BMPR1B: variants seen among roughly 807,000 people sequenced by gnomAD.
BMPR1B encodes the protein bone morphogenetic protein receptor type 1B, also known as bone morphogenetic protein receptor type-1B.
A neutral mutation model predicts 59.1 loss-of-function variants in BMPR1B; 12 were observed. The ratio of observed to expected loss-of-function variants is 0.20; its 90% CI spans 0.13 to 0.33. BMPR1B has a LOEUF of 0.33. Ranked by LOEUF, BMPR1B falls within the 10% of genes least tolerant of loss-of-function variation. The pLI is 1.00. For missense variants in BMPR1B, 550 were observed against 610.9 expected (o/e 0.90, Z 1.05); for synonymous variants, 237 against 207.3 (o/e 1.14, Z -1.23).
At chr4:94,991,683 C>A (rs888386326) in intron 2 of BMPR1B, among the ~76,000 whole-genome samples, 1 of 152,126 alleles carries the variant, frequency 6.6e-6, no homozygotes, top group African/African-American at 2.4e-5. Flanking sequence ...GGTCCCTAGT[C>A]CATGCTGTCA....
chr4:95,097,139 A>G (rs1730483605), intron 3 of BMPR1B, among the ~76,000 whole-genome samples: 1 of 61,762 alleles, frequency 1.6e-5, no homozygotes, highest in Non-Finnish European at 3.5e-5. Context: ...TTTATATATA[A>G]CTAATATATA....
chr4:95,116,421 G>GCGCGCACGCACACACACACACACACACA, intron 6 of BMPR1B, among the ~76,000 whole-genome samples: 9 of 123,196 alleles, frequency 7.3e-5, no homozygotes, highest in African/African-American at 2.9e-4. Context: ...TTCAGCGCGC[G>GCGCGCACGCACACACACACACACACACA]CACACACACA....
intron 2 of BMPR1B, among the ~76,000 whole-genome samples, chr4:94,942,951 C>T (rs538054683): frequency 1.1e-4 from 16 of 152,264 alleles, no homozygotes; most frequent in African/African-American, 3.6e-4. Flanking sequence ...TTATTCATGG[C>T]GGTGTTCTTA....
At chr4:94,846,693 TTATATG>T (rs1725345377) in intron 1 of BMPR1B, among the ~76,000 whole-genome samples, 1 of 152,122 alleles carries the variant, frequency 6.6e-6, no homozygotes, top group African/African-American at 2.4e-5. Context: ...GAACTCCCCT[TTATATG>T]TATATATGTA....
chr4:94,763,889 A>G (rs775568792), intron 1 of BMPR1B, among the ~76,000 whole-genome samples: 6 of 152,206 alleles, frequency 3.9e-5, no homozygotes, highest in Non-Finnish European at 5.9e-5. Flanking sequence ...CTGTTTTCCA[A>G]TACACATTTA....
At chr4:94,908,582 T>C (rs568190370) in intron 2 of BMPR1B, among the ~76,000 whole-genome samples, 10 of 152,146 alleles carry the variant, frequency 6.6e-5, no homozygotes, top group Admixed American at 6.6e-4. Flanking sequence ...TAAGGGTCTC[T>C]GTACCATCTT....
At chr4:94,861,187 C>A (rs140319702) in intron 1 of BMPR1B, among the ~76,000 whole-genome samples, 2 of 152,162 alleles carry the variant, frequency 1.3e-5, no homozygotes, top group African/African-American at 2.4e-5. Flanking sequence ...TGCTTGCTAG[C>A]TGGGTGACTG....
chr4:95,095,157 A>G (rs1730275601), intron 3 of BMPR1B, among the ~76,000 whole-genome samples: 1 of 152,124 alleles, frequency 6.6e-6, no homozygotes, highest in Non-Finnish European at 1.5e-5. Flanking sequence ...AGGCCTTTAG[A>G]GTTGAAAAAT....
At chr4:94,857,061 T>A (rs1259968123) in intron 1 of BMPR1B, among the ~76,000 whole-genome samples, 1 of 152,090 alleles carries the variant, frequency 6.6e-6, no homozygotes, top group South Asian at 2.1e-4. Flanking sequence ...GTAAAGAGTA[T>A]GCTTCAGGAA....
chr4:95,149,332 C>T (rs1734866746), intron 11 of BMPR1B, among the ~76,000 whole-genome samples: 1 of 152,158 alleles, frequency 6.6e-6, no homozygotes, highest in African/African-American at 2.4e-5. Context: ...GCAGAGATGA[C>T]AGTAGGCCAT....
intron 3 of BMPR1B, among the ~76,000 whole-genome samples, chr4:95,014,789 T>G (rs1723469964): frequency 6.6e-6 from 1 of 152,188 alleles, no homozygotes; most frequent in Non-Finnish European, 1.5e-5. Flanking sequence ...GGTCCTGATT[T>G]CAAGATTCGG....
chr4:94,827,188 C>CACTTCCTTTTG, intron 1 of BMPR1B, among the ~76,000 whole-genome samples: 1 of 152,192 alleles, frequency 6.6e-6, no homozygotes, highest in South Asian at 2.1e-4. Context: ...ATAGCAAAAG[C>CACTTCCTTTTG]ACTTCCTTTT....
chr4:94,922,469 G>A (rs564249734), intron 2 of BMPR1B, among the ~76,000 whole-genome samples: 4 of 152,142 alleles, frequency 2.6e-5, no homozygotes, highest in South Asian at 4.2e-4. Flanking sequence ...AATTAGTTTC[G>A]TTTTGCAGAC....
rs769423606 is a variant in BMPR1B, at chr4:95,129,962, C to T, written c.686C>T (p.Ala229Val). The change falls in exon 9 of 13, where the codon GCT becomes GTT. Residue 229 changes from alanine (A) to valine (V), a missense_variant. Coordinates refer to ENST00000515059, the MANE Select transcript of BMPR1B (RefSeq NM_001203.3). ...GGAAAGTGGCGTGGCGAAAAGGTAG[C>T]TGTGAAAGTGTTCTTCACCACAGAG... ...WMGKWRGEKVAVKVFFTTEEA... is the reference protein window; with the variant it reads ...WMGKWRGEKVVVKVFFTTEEA... 1.9e-6 allele frequency: 3 copies of T among 1,613,966 alleles called. No homozygotes were observed. In the South Asian group the frequency reaches 3.3e-5, roughly 18 times the overall value.
At chr4:94,855,713 T>C (rs1319314) in intron 1 of BMPR1B, among the ~76,000 whole-genome samples, 92,463 of 152,006 alleles carry the variant, frequency 0.61, 29,004 homozygotes, top group African/African-American at 0.76. Context: ...TTGTGACTTC[T>C]AGATAAACAG....
chr4:94,859,129 A>T (rs1037351828), intron 1 of BMPR1B, among the ~76,000 whole-genome samples: 1 of 152,202 alleles, frequency 6.6e-6, no homozygotes, highest in East Asian at 1.9e-4. Context: ...CTGTTGTCCC[A>T]TCAGACTGTC....
At chr4:94,964,892 C>A (rs1470599488) in intron 2 of BMPR1B, among the ~76,000 whole-genome samples, 1 of 152,060 alleles carries the variant, frequency 6.6e-6, no homozygotes, top group East Asian at 1.9e-4. Flanking sequence ...AGGTATATTC[C>A]AACCCTTGGT....
intron 1 of BMPR1B, among the ~76,000 whole-genome samples, chr4:94,781,443 T>G (rs1224859518): frequency 6.6e-6 from 1 of 152,120 alleles, no homozygotes; most frequent in Non-Finnish European, 1.5e-5. Flanking sequence ...GACGAAGTCT[T>G]GCTCTGTCAC....
chr4:94,788,719 G>A (rs779605474), intron 1 of BMPR1B, among the ~76,000 whole-genome samples: 13 of 152,212 alleles, frequency 8.5e-5, no homozygotes, highest in Non-Finnish European at 1.8e-4. Flanking sequence ...TTGGAGAAGA[G>A]ATGAGGGCAT....
Sources: allele counts gnomAD v4.1 joint callset (sites outside exome capture counted in the v4.1 genomes callset), GRCh38; gene constraint gnomAD v4.1.1; transcripts MANE v1.5; gene names NCBI Gene and HGNC (gene_info 2026-07-23, HGNC 2026-07-21).